The following HMGN3 variants were observed in gnomAD, a reference collection of about 807,000 sequenced individuals.
HMGN3 encodes the protein high mobility group nucleosomal binding domain 3, also known as high mobility group nucleosome-binding domain-containing protein 3.
Under a neutral mutation model 18.8 loss-of-function variants are expected in HMGN3, and 6 were observed. That is an observed-to-expected ratio of 0.32 (90% CI 0.18 to 0.63). The LOEUF is 0.63. Among genes scored for constraint, HMGN3 ranks in the 30% least tolerant of loss-of-function variants. The pLI, the probability that HMGN3 is intolerant of heterozygous loss-of-function variation, is 0.79. For synonymous variants in HMGN3, 40 were observed against 36.5 expected, an observed-to-expected ratio of 1.10 and a Z score of -0.35; for missense variants, 107 against 114.2, an observed-to-expected ratio of 0.94 and a Z score of 0.29.
At chr6:79,211,098 G>C (rs1320425299) in intron 2 of HMGN3, among the ~76,000 whole-genome samples, 2 of 146,076 alleles carry the variant, frequency 1.4e-5, no homozygotes, top group African/African-American at 5.0e-5. Flanking sequence ...ATCATTTTAT[G>C]ACTTGCTACA....
intron 1 of HMGN3, among the ~76,000 whole-genome samples, chr6:79,221,258 A>G (rs1443642422): frequency 1.3e-5 from 2 of 152,198 alleles, no homozygotes; most frequent in African/African-American, 4.8e-5. Flanking sequence ...TAACTGCTTC[A>G]TTTGTACTGA....
At chr6:79,207,375 G>A (rs890294379) in intron 3 of HMGN3, among the ~76,000 whole-genome samples, 4 of 152,170 alleles carry the variant, frequency 2.6e-5, no homozygotes, top group African/African-American at 9.7e-5. Flanking sequence ...TCTTGTGAAA[G>A]TGAATGAGTC....
chr6:79,231,354 T>A lies in HMGN3; in HGVS notation c.15+3192A>T, dbSNP rs561509826. ...ACTCAATCACTCATTGTCTCACCACTGAGTCCATGAATGTTATCATTTCCC... is the reference window on the plus strand; with the variant it reads ...ACTCAATCACTCATTGTCTCACCACAGAGTCCATGAATGTTATCATTTCCC... On this transcript the variant is annotated intron_variant, in intron 1 of 5. Coordinates refer to ENST00000344726, the Ensembl canonical transcript of HMGN3. Among the ~76,000 whole-genome samples the A allele has an allele frequency of 7.9e-5, 12 of 152,292 alleles. No homozygotes were observed. The South Asian group carries it at 2.5e-3, about 32-fold the overall frequency.
chr6:79,216,471 G>A (rs561187584), intron 1 of HMGN3, among the ~76,000 whole-genome samples: 1 of 152,228 alleles, frequency 6.6e-6, no homozygotes, highest in East Asian at 1.9e-4. Flanking sequence ...AAAGATAAAA[G>A]CTTTTCTTCA....
chr6:79,217,933 G>A (rs1777076563), intron 1 of HMGN3, among the ~76,000 whole-genome samples: 4 of 152,172 alleles, frequency 2.6e-5, no homozygotes, highest in Admixed American at 1.3e-4. Flanking sequence ...CGGGATGCAG[G>A]GACTGCCAAG....
chr6:79,213,915 A>C (rs559503182), intron 2 of HMGN3, among the ~76,000 whole-genome samples: 56 of 152,284 alleles, frequency 3.7e-4, no homozygotes, highest in African/African-American at 1.3e-3. Flanking sequence ...TAACAGCTGC[A>C]GTTTTCCACC....
chr6:79,232,225 T>C (rs1425641740), intron 1 of HMGN3, among the ~76,000 whole-genome samples: 1 of 152,198 alleles, frequency 6.6e-6, no homozygotes, highest in Non-Finnish European at 1.5e-5. Context: ...TGTCTCCAGT[T>C]CTTTTTTGTA....
chr6:79,211,707 C>A (rs1776699465), intron 2 of HMGN3, among the ~76,000 whole-genome samples: 1 of 152,024 alleles, frequency 6.6e-6, no homozygotes, highest in African/African-American at 2.4e-5. Context: ...TATATAGGTG[C>A]TGGTCACAGT....
At chr6:79,206,012 A>C (rs1776405660) in intron 3 of HMGN3, among the ~76,000 whole-genome samples, 1 of 152,124 alleles carries the variant, frequency 6.6e-6, no homozygotes, top group Non-Finnish European at 1.5e-5. Flanking sequence ...AATTTGAGAG[A>C]GATGATTTAG....
At chr6:79,205,331 T>A (rs1201017560) in intron 3 of HMGN3, among the ~76,000 whole-genome samples, 1 of 152,200 alleles carries the variant, frequency 6.6e-6, no homozygotes, top group Non-Finnish European at 1.5e-5. Flanking sequence ...ACAACTCCCA[T>A]GTGTCATGTG....
intron 1 of HMGN3, among the ~76,000 whole-genome samples, chr6:79,231,087 GA>G (rs2127842882): frequency 6.6e-6 from 1 of 152,298 alleles, no homozygotes; most frequent in African/African-American, 2.4e-5. Context: ...CACATTCATG[GA>G]AAATTGCCTC....
chr6:79,221,775 T>C (rs916597515), intron 1 of HMGN3, among the ~76,000 whole-genome samples: 3 of 152,072 alleles, frequency 2.0e-5, no homozygotes, highest in Admixed American at 6.6e-5. Flanking sequence ...TTAACGCTAC[T>C]GCACTAGGAG....
At chr6:79,227,690 G>A (rs1183044066) in intron 1 of HMGN3, among the ~76,000 whole-genome samples, 1 of 152,212 alleles carries the variant, frequency 6.6e-6, no homozygotes, top group African/African-American at 2.4e-5. Flanking sequence ...AGCTAAGGGA[G>A]AGGTTAAGGA....
At chr6:79,223,287 G>A (rs888355518) in intron 1 of HMGN3, among the ~76,000 whole-genome samples, 3 of 152,130 alleles carry the variant, frequency 2.0e-5, no homozygotes, top group Non-Finnish European at 4.4e-5. Flanking sequence ...CGAGGCAGGC[G>A]GATCATGAGG....
chr6:79,212,795 G>A (rs2127822259), intron 2 of HMGN3, among the ~76,000 whole-genome samples: 1 of 152,216 alleles, frequency 6.6e-6, no homozygotes, highest in South Asian at 2.1e-4. Context: ...CATACTCAAT[G>A]ACATAACTGG....
rs1001847266 is a variant in HMGN3 at position 79,219,357 on chromosome 6, A to G, written c.16-4335T>C. Among the ~76,000 whole-genome samples, 3 of 152,214 alleles carry G rather than the reference A, an allele frequency of 2.0e-5. 1 individual carries two copies. Among genetic ancestry groups the G allele is most frequent in the Admixed American group, 6.5e-5 (1 of 15,286 alleles). The stretch of plus-strand genomic sequence containing the variant: ...GAATTCTATACCTAGCTATCATTCA[A>G]GAGTGATGGCAAAATAAAGCCATTT... On this transcript the variant is annotated intron_variant, in intron 1 of 5. Coordinates refer to ENST00000344726, the Ensembl canonical transcript of HMGN3.
intron 1 of HMGN3, chr6:79,234,140 C>T: frequency 5.9e-6 from 1 of 170,586 alleles, no homozygotes; most frequent in South Asian, 1.9e-4. Context: ...GATTTATTTT[C>T]TTCCCTCTCC....
chr6:79,203,555 A>G (rs1776258132), intron 4 of HMGN3, 25 bp downstream of exon 4: 6 of 1,600,772 alleles, frequency 3.7e-6, no homozygotes, highest in Non-Finnish European at 5.1e-6. Context: ...TTAAAAAGCC[A>G]AAAGTGGGAA....
chr6:79,209,445 C>T (rs1197800749), intron 2 of HMGN3, among the ~76,000 whole-genome samples: 1 of 152,174 alleles, frequency 6.6e-6, no homozygotes. Context: ...AAAAAGTGCC[C>T]TAGAAATAAA....
Sources: allele counts gnomAD v4.1 joint callset (sites outside exome capture counted in the v4.1 genomes callset), GRCh38; gene constraint gnomAD v4.1.1; transcripts MANE v1.5; gene names NCBI Gene and HGNC (gene_info 2026-07-23, HGNC 2026-07-21).